EP300: variants seen among roughly 807,000 people sequenced by gnomAD.
EP300 encodes the protein EP300 lysine acetyltransferase.
Under a neutral mutation model 264.0 loss-of-function variants are expected in EP300, and 31 were observed. That is an observed-to-expected ratio of 0.12 (90% confidence interval 0.09 to 0.16). The LOEUF (loss-of-function observed/expected upper bound fraction) is 0.16, where lower values mean the gene tolerates loss of function less well. EP300 is among the 10% of genes least tolerant of loss of function. The probability of loss-of-function intolerance (pLI) is 1.00; values close to 1 mark genes in which losing one functional copy is unlikely to be tolerated. For synonymous variants in EP300, 1,340 were observed against 1,045.4 expected, an observed-to-expected ratio of 1.28 and a Z score of -5.44; for missense variants, 2,766 against 3,052.9, an observed-to-expected ratio of 0.91 and a Z score of 2.21.
At chr22:41,140,319 C>T in intron 9 of EP300, 62 bp downstream of exon 9, 3 of 1,130,512 alleles carry the variant, frequency 2.7e-6, no homozygotes, top group Non-Finnish European at 4.1e-6. Context: ...TATTTTATTC[C>T]TCTTTAGCAT....
intron 23 of EP300, 90 bp from the exon 24 acceptor site, chr22:41,168,359 G>GA: frequency 1.3e-6 from 2 of 1,501,118 alleles, no homozygotes; most frequent in South Asian, 1.1e-5. Context: ...TGTTTGTATT[G>GA]AAAAAAGTAC....
intron 29 of EP300, chr22:41,174,809 A>G (rs759201417): frequency 6.6e-6 from 1 of 152,224 alleles, no homozygotes; most frequent in Non-Finnish European, 1.5e-5. Flanking sequence ...GTACCTAAAA[A>G]TTGGTTAAAC....
chr22:41,108,215 T>C (rs1233637176), intron 1 of EP300: 2 of 152,076 alleles, frequency 1.3e-5, no homozygotes, highest in Non-Finnish European at 2.9e-5. Context: ...GTAAACCATG[T>C]ATTAGGCTAA....
chr22:41,122,975 A>G (rs2058860888), intron 2 of EP300, among the ~76,000 whole-genome samples: 1 of 152,166 alleles, frequency 6.6e-6, no homozygotes, highest in Non-Finnish European at 1.5e-5. Flanking sequence ...GTTGGGAATT[A>G]TAATGAGCTA....
At chr22:41,133,320 G>T (rs1459942541) in intron 6 of EP300, among the ~76,000 whole-genome samples, 1 of 152,024 alleles carries the variant, frequency 6.6e-6, no homozygotes, top group African/African-American at 2.4e-5. Context: ...ACCACACCCA[G>T]CTAATTTTTT....
At position 41,162,804 on chromosome 22, in the gene EP300, C is replaced by T. The variant is rs767019948; in HGVS notation, c.3728+25C>T. On this transcript the variant is annotated intron_variant, in intron 21 of 30. Transcript: ENST00000263253. ...TGTAAGTACGATCCCCTTGAATAGTCAGTACGCTTTGGCTTTTCTTTTTCC... is the reference window on the plus strand; with the variant it reads ...TGTAAGTACGATCCCCTTGAATAGTTAGTACGCTTTGGCTTTTCTTTTTCC... The T allele has an allele frequency of 1.8e-5, 28 of 1,598,400 alleles. No homozygotes were observed. In the South Asian group the frequency reaches 3.0e-4, roughly 17 times the overall value.
chr22:41,155,945 C>T (rs2059074186), intron 17 of EP300, among the ~76,000 whole-genome samples: 1 of 152,030 alleles, frequency 6.6e-6, no homozygotes, highest in Non-Finnish European at 1.5e-5. Context: ...TTTTATTTCT[C>T]CTTGGTATTT....
chr22:41,131,364 TAC>T (rs2058918158), intron 5 of EP300, 22 bp from the exon 6 acceptor site: 1 of 1,612,090 alleles, frequency 6.2e-7, no homozygotes, highest in East Asian at 2.2e-5. Flanking sequence ...TAATTTGTAA[TAC>T]TATATCTTTT....
chr22:41,165,850 A>G (rs1199542342), intron 22 of EP300, among the ~76,000 whole-genome samples: 5 of 151,694 alleles, frequency 3.3e-5, no homozygotes, highest in Non-Finnish European at 5.9e-5. Context: ...GCTCACTGCA[A>G]CCTCCACCTC....
chr22:41,106,006 C>T (rs1334824123), intron 1 of EP300, among the ~76,000 whole-genome samples: 1 of 152,022 alleles, frequency 6.6e-6, no homozygotes, highest in Non-Finnish European at 1.5e-5. Flanking sequence ...CTTAATGTTC[C>T]TTCAAATTAC....
At chr22:41,166,952 T>C (rs980821526) in intron 23 of EP300, among the ~76,000 whole-genome samples, 6 of 152,226 alleles carry the variant, frequency 3.9e-5, no homozygotes, top group Non-Finnish European at 7.3e-5. Context: ...GAATAAGGTG[T>C]GGAAATGATT....
chr22:41,147,930 C>A lies in EP300; in HGVS notation c.2225C>A (p.Pro742His). The change falls in exon 12 of 31, where the codon CCT becomes CAT. Residue 742 changes from proline (P) to histidine (H), a missense_variant. Transcript: ENST00000263253. ...PLQHHGQLAQ[P>H]GALNPPMGYG... ...CAGCACCATGGACAGTTGGCTCAAC[C>A]TGGAGCTCTCAACCCGGTTAGTTTG... 1.2e-6 allele frequency: 2 copies of A among 1,608,354 alleles called. No individual in the cohort carries two copies. Among genetic ancestry groups the A allele is most frequent in the Non-Finnish European group, 1.7e-6 (2 of 1,176,840 alleles).
intron 2 of EP300, 81 bp downstream of exon 2, chr22:41,117,902 G>T (rs2058830700): frequency 1.3e-6 from 2 of 1,599,004 alleles, no homozygotes; most frequent in South Asian, 2.2e-5. Flanking sequence ...GCCTTACATT[G>T]TATAGCAGTT....
At chr22:41,116,069 AGC>A in intron 1 of EP300, among the ~76,000 whole-genome samples, 1 of 152,362 alleles carries the variant, frequency 6.6e-6, no homozygotes, top group Non-Finnish European at 1.5e-5. Context: ...ATATTAATAC[AGC>A]TTAATTGCAT....
chr22:41,166,386 C>T (rs1207492996), intron 22 of EP300, among the ~76,000 whole-genome samples: 2 of 152,098 alleles, frequency 1.3e-5, no homozygotes, highest in African/African-American at 4.8e-5. Flanking sequence ...AATTTATATG[C>T]CCTTCATGTT....
In EP300 at chr22:41,126,010, G is replaced by A. The variant is rs2058880326; in HGVS notation, c.876G>A (p.Lys292=). Residue 292 remains lysine (K), a synonymous_variant, in exon 3 of 31, where the codon AAG becomes AAA. Transcript: ENST00000263253. ...TATCTCCATTTGCTATGGACAAAAA[G>A]GCAGTTCCTGGTGGAGGAATGCCCA... ...NNLSPFAMDK[K]AVPGGGMPNM... The A allele has an allele frequency of 6.2e-7, 1 of 1,614,128 alleles. No homozygotes were observed. The highest frequency in any genetic ancestry group is 8.5e-7 in the Non-Finnish European group (1 of 1,180,020).
At chr22:41,156,001 G>A (rs1377799147) in intron 17 of EP300, among the ~76,000 whole-genome samples, 1 of 151,718 alleles carries the variant, frequency 6.6e-6, no homozygotes. Context: ...TTACTTTTTT[G>A]TTGTTGTTAT....
In EP300 at chr22:41,168,712, A is replaced by G. The variant is rs2059153923; in HGVS notation, c.4026-9A>G. The G allele has an allele frequency of 6.2e-7, 1 of 1,614,196 alleles. No homozygotes were observed. The highest frequency in any genetic ancestry group is 8.5e-7 in the Non-Finnish European group (1 of 1,180,036). On this transcript the variant is annotated splice_polypyrimidine_tract_variant and intron_variant, in intron 24 of 30. Coordinates refer to ENST00000263253, the MANE Select transcript of EP300 (RefSeq NM_001429.4). ...ATGTTGTGGTTCCCCCACCATCTCA[A>G]TTGTATAGGTTTGTGGACAGTGGAG...
chr22:41,160,938 C>G (rs892271426), intron 20 of EP300, among the ~76,000 whole-genome samples: 1 of 151,992 alleles, frequency 6.6e-6, no homozygotes, highest in African/African-American at 2.4e-5. Context: ...TGGTGGCTAC[C>G]ATATTGGTCA....
Sources: allele counts gnomAD v4.1 joint callset (sites outside exome capture counted in the v4.1 genomes callset), GRCh38; gene constraint gnomAD v4.1.1; transcripts MANE v1.5; gene names NCBI Gene and HGNC (gene_info 2026-07-23, HGNC 2026-07-21).